SKAP2: variants seen among roughly 807,000 people sequenced by gnomAD.
SKAP2 encodes src kinase-associated phosphoprotein 2.
In SKAP2, 28 loss-of-function variants were observed where a neutral mutation model predicts 54.9. The ratio of observed to expected loss-of-function variants is 0.51; its 90% CI spans 0.38 to 0.70. The LOEUF (loss-of-function observed/expected upper bound fraction) is 0.70. Ranked by LOEUF, SKAP2 falls within the 30% of genes least tolerant of loss-of-function variation. The probability of loss-of-function intolerance (pLI) is 0.00; values close to 1 mark genes in which losing one functional copy is unlikely to be tolerated. For synonymous variants in SKAP2, 137 were observed against 134.3 expected, an observed-to-expected ratio of 1.02 and a Z score of -0.14; for missense variants, 356 against 424.1, an observed-to-expected ratio of 0.84 and a Z score of 1.41.
intron 3 of SKAP2, among the ~76,000 whole-genome samples, chr7:26,846,129 T>C (rs1319341308): frequency 6.6e-6 from 1 of 152,140 alleles, no homozygotes; most frequent in African/African-American, 2.4e-5. Context: ...TTAAGAATTT[T>C]TGTGGTATGA....
intron 11 of SKAP2, among the ~76,000 whole-genome samples, chr7:26,681,600 T>G (rs993982375): frequency 6.6e-6 from 1 of 152,224 alleles, no homozygotes; most frequent in Admixed American, 6.5e-5. Context: ...TTTTCAGAAC[T>G]GACACACTTT....
chr7:26,836,397 T>C (rs1784712598), intron 4 of SKAP2, among the ~76,000 whole-genome samples: 1 of 151,906 alleles, frequency 6.6e-6, no homozygotes, highest in African/African-American at 2.4e-5. Flanking sequence ...ATCATCAGAG[T>C]GAACAGGCAA....
intron 3 of SKAP2, among the ~76,000 whole-genome samples, chr7:26,848,285 C>T (rs1784967612): frequency 6.6e-6 from 1 of 152,052 alleles, no homozygotes; most frequent in African/African-American, 2.4e-5. Flanking sequence ...ATCAGGTAAA[C>T]AGGAAATGAA....
chr7:26,844,218 T>C (rs1222422471), intron 3 of SKAP2, 81 bp from the exon 4 acceptor site: 1 of 841,118 alleles, frequency 1.2e-6, no homozygotes, highest in Non-Finnish European at 2.0e-6. Context: ...TTAATGTTAC[T>C]TTGTTAGAAG....
chr7:26,832,477 G>A (rs1246269558), intron 4 of SKAP2, among the ~76,000 whole-genome samples: 3 of 152,128 alleles, frequency 2.0e-5, no homozygotes, highest in African/African-American at 7.2e-5. Flanking sequence ...CATAGACTAA[G>A]CATCAACCTT....
intron 10 of SKAP2, among the ~76,000 whole-genome samples, chr7:26,688,010 A>G (rs1786686359): frequency 6.6e-6 from 1 of 152,166 alleles, no homozygotes; most frequent in African/African-American, 2.4e-5. Context: ...AAAAAAATTA[A>G]TTAGCCAGCC....
intron 4 of SKAP2, among the ~76,000 whole-genome samples, chr7:26,770,829 T>G (rs760524935): frequency 6.6e-6 from 1 of 152,162 alleles, no homozygotes; most frequent in Non-Finnish European, 1.5e-5. Flanking sequence ...GTACTTCAGT[T>G]GGAAATGCAG....
chr7:26,818,651 G>T (rs534942899), intron 4 of SKAP2, among the ~76,000 whole-genome samples: 1 of 152,140 alleles, frequency 6.6e-6, no homozygotes, highest in Non-Finnish European at 1.5e-5. Flanking sequence ...CTACAGAATG[G>T]GAGAAAATTT....
Position 26,725,531 on chromosome 7 carries a change from A to G in SKAP2, c.693T>C (p.Asp231=), listed in dbSNP as rs762639292. The G allele has an allele frequency of 1.4e-5, 22 of 1,609,298 alleles. No homozygotes were observed. The highest frequency in any genetic ancestry group is 1.7e-5 in the Non-Finnish European group (20 of 1,178,262). Residue 231 remains aspartate, a synonymous_variant, in exon 9 of 13, where the codon GAT becomes GAC. Coordinates refer to ENST00000345317, the MANE Select transcript of SKAP2 (RefSeq NM_003930.5). The stretch of plus-strand genomic sequence containing the variant: ...CATCATCATATAATTCTCCTCTCTC[A>G]TCATAATCCTCAGGAATAATATCAG... ...MESDIIPEDY[D]ERGELYDDVD... is the part of the protein sequence containing the mutation.
chr7:26,862,202 T>G (rs1301073548), intron 1 of SKAP2, among the ~76,000 whole-genome samples: 1 of 152,080 alleles, frequency 6.6e-6, no homozygotes, highest in Non-Finnish European at 1.5e-5. Flanking sequence ...AACAATATTT[T>G]TAGATGAAAT....
chr7:26,818,740 C>A (rs557393950), intron 4 of SKAP2, among the ~76,000 whole-genome samples: 2 of 152,018 alleles, frequency 1.3e-5, no homozygotes, highest in East Asian at 3.9e-4. Context: ...AAAAAAACAA[C>A]CCCATCAAAA....
rs1457279618 is a variant in SKAP2 at position 26,667,546 on chromosome 7, G to A, written c.*2120C>T. The A allele has an allele frequency of 1.3e-5, 2 of 152,554 alleles. No individual in the cohort carries two copies. The highest frequency in any genetic ancestry group is 2.4e-5 in the African/African-American group (1 of 41,430). 9.5% of individuals were successfully genotyped at this position (152,554 alleles called of 1,614,324 possible). Reference sequence around the variant, plus strand: ...AAGTTTTAAAAGAACAAAGGCCGGTGGAGATCTGAACAGAAATAACACCTT... The same window carrying A: ...AAGTTTTAAAAGAACAAAGGCCGGTAGAGATCTGAACAGAAATAACACCTT... On this transcript the variant is annotated 3_prime_UTR_variant, in exon 13 of 13. Coordinates refer to ENST00000345317, the MANE Select transcript of SKAP2 (RefSeq NM_003930.5).
chr7:26,711,270 T>A (rs1187098481), intron 9 of SKAP2, among the ~76,000 whole-genome samples: 3 of 152,180 alleles, frequency 2.0e-5, no homozygotes, highest in African/African-American at 4.8e-5. Flanking sequence ...TGAGAGCATA[T>A]GTCTTTTAAT....
intron 9 of SKAP2, among the ~76,000 whole-genome samples, chr7:26,712,598 A>C (rs1019686178): frequency 2.0e-5 from 3 of 152,232 alleles, no homozygotes; most frequent in African/African-American, 7.2e-5. Context: ...TTGTGCCTCT[A>C]AACAAGTTAC....
At chr7:26,805,163 T>C (rs1270829035) in intron 4 of SKAP2, among the ~76,000 whole-genome samples, 2 of 152,186 alleles carry the variant, frequency 1.3e-5, no homozygotes, top group Non-Finnish European at 2.9e-5. Flanking sequence ...GAGACCAGCC[T>C]GGGCAACATA....
intron 9 of SKAP2, among the ~76,000 whole-genome samples, chr7:26,695,591 A>G (rs1405998280): frequency 6.6e-6 from 1 of 152,176 alleles, no homozygotes; most frequent in Admixed American, 6.5e-5. Flanking sequence ...TTACAGGTGG[A>G]TTGCTTTCTA....
At chr7:26,661,895 A>C in the SKAP2 span, among the ~76,000 whole-genome samples, 1 of 152,144 alleles carries the variant, frequency 6.6e-6, no homozygotes, top group Non-Finnish European at 1.5e-5. Flanking sequence ...TTTTCAAGTC[A>C]CTTCTAAACA....
At position 26,824,218 on chromosome 7, in the gene SKAP2, T is replaced by C. The variant is rs572309531; in HGVS notation, c.307+19812A>G. ...CCCTCGACCAGCAAAAAGGTTATAA[T>C]TCTCTGAGGGCTAAGATGATTGCTG... On this transcript the variant is annotated intron_variant, in intron 4 of 12. Coordinates refer to ENST00000345317, the MANE Select transcript of SKAP2 (RefSeq NM_003930.5). Among the ~76,000 whole-genome samples the C allele has an allele frequency of 5.3e-5, 8 of 152,314 alleles. No homozygotes were observed. The South Asian group carries it at 6.2e-4, about 12-fold the overall frequency.
intron 4 of SKAP2, among the ~76,000 whole-genome samples, chr7:26,740,562 C>T (rs1255165713): frequency 6.6e-6 from 1 of 152,054 alleles, no homozygotes; most frequent in Non-Finnish European, 1.5e-5. Context: ...TAAACAAATA[C>T]TGGATCCCTA....
Sources: gnomAD v4.1 joint callset for allele counts (sites outside exome capture counted in the v4.1 genomes callset) on GRCh38, gnomAD v4.1.1 for gene constraint, MANE v1.5 for transcripts, NCBI Gene and HGNC (gene_info 2026-07-23, HGNC 2026-07-21) for gene names.